The following PCM1 variants were observed in gnomAD, a reference collection of about 807,000 sequenced individuals.
The protein encoded by PCM1 is pericentriolar material 1.
PCM1 carries 157 observed loss-of-function variants against 241.9 expected under a neutral mutation model. The observed-to-expected ratio is 0.65, with a 90% CI of 0.57 to 0.74. The LOEUF is 0.74. Ranked by LOEUF, PCM1 falls within the 30% of genes least tolerant of loss-of-function variation. The pLI, the probability that PCM1 is intolerant of heterozygous loss-of-function variation, is 0.00. For synonymous variants in PCM1, 1,085 were observed against 784.9 expected, an observed-to-expected ratio of 1.38 and a Z score of -6.39; for missense variants, 3,478 against 2,360.1, an observed-to-expected ratio of 1.47 and a Z score of -9.81.
At chr8:17,926,470 T>A (rs184349938) in intron 2 of PCM1, 1 of 152,346 alleles carries the variant, frequency 6.6e-6, no homozygotes, top group East Asian at 1.9e-4. Context: ...GTGCCTTTCT[T>A]CATGGAGTAA....
chr8:17,957,765 C>T lies in PCM1; in HGVS notation c.2030C>T (p.Ala677Val). 1 of 1,608,544 alleles carries T rather than the reference C, an allele frequency of 6.2e-7. No homozygotes were observed. The highest frequency in any genetic ancestry group is 8.5e-7 in the Non-Finnish European group (1 of 1,175,400). The stretch of plus-strand genomic sequence containing the variant: ...CTTAGACAGTTACAAGATCTTGTTG[C>T]TATGGTACAGGTAAATATTGCTTGG... The part of the protein sequence containing the change: ...QKLRQLQDLV[A>V]MVQDDDAAQG... The change falls in exon 13 of 39, where the codon GCT (alanine) becomes GTT (valine). Residue 677 changes from alanine (A) to valine (V), a missense_variant. Physicochemically the swap from Ala to Val is moderately conservative, Grantham distance 64. Transcript: ENST00000325083.
rs538183416 is a variant in PCM1 at position 17,938,734 on chromosome 8, A to G, written c.343-6A>G. On this transcript the variant is annotated splice_polypyrimidine_tract_variant and splice_region_variant and intron_variant, in intron 4 of 38. Coordinates refer to ENST00000325083, the MANE Select transcript of PCM1 (RefSeq NM_006197.4). ...TTGTGTGATTTGATTTCTTTTTCATATATAGAGAAGCATTGGAAGTGATTC... is the reference window on the plus strand; with the variant it reads ...TTGTGTGATTTGATTTCTTTTTCATGTATAGAGAAGCATTGGAAGTGATTC... The G allele has an allele frequency of 1.4e-5, 22 of 1,603,992 alleles. No individual in the cohort carries two copies. In the East Asian group the frequency reaches 2.9e-4, roughly 21 times the overall value.
intron 26 of PCM1, among the ~76,000 whole-genome samples, 194 bp from the exon 27 acceptor site, chr8:17,989,665 G>C (rs1269968536): frequency 6.6e-6 from 1 of 151,932 alleles, no homozygotes; most frequent in African/African-American, 2.4e-5. Context: ...TTATATCACT[G>C]TTCTCTGTGA....
At chr8:17,956,900 T>C (rs1239161484) in intron 11 of PCM1, 123 bp downstream of exon 11, 1 of 798,396 alleles carries the variant, frequency 1.3e-6, no homozygotes, top group African/African-American at 1.7e-5. Flanking sequence ...TTTCTACTAT[T>C]TTGGTCAGTG....
At chr8:18,024,712 A>G (rs146886860) in intron 36 of PCM1, among the ~76,000 whole-genome samples, 2,597 of 152,312 alleles carry the variant, frequency 0.017, 43 homozygotes, top group South Asian at 0.045. Context: ...TCTGCTGACT[A>G]TAGCATATAC....
chr8:17,941,514 G>A (rs1448930221), intron 6 of PCM1, among the ~76,000 whole-genome samples: 1 of 150,276 alleles, frequency 6.7e-6, no homozygotes, highest in South Asian at 2.1e-4. Flanking sequence ...AGGGGGATGT[G>A]GATTGATTTT....
At chr8:17,924,058 C>T (rs2055804070) in intron 1 of PCM1, among the ~76,000 whole-genome samples, 1 of 151,266 alleles carries the variant, frequency 6.6e-6, no homozygotes, top group African/African-American at 2.4e-5. Flanking sequence ...GGTGACGGTT[C>T]GTGTTTGGGC....
intron 23 of PCM1, among the ~76,000 whole-genome samples, chr8:17,976,248 T>C (rs939986709): frequency 2.0e-5 from 3 of 152,216 alleles, no homozygotes; most frequent in African/African-American, 7.2e-5. Flanking sequence ...CAAGGTGCCA[T>C]TTCTCTGTGC....
At position 17,960,175 on chromosome 8, in the gene PCM1, G is replaced by C. The variant is rs748112971; in HGVS notation, c.2192+10G>C. On this transcript the variant is annotated intron_variant, in intron 14 of 38. Transcript: ENST00000325083. ...TAAATGAAAAGGCAAGGTATGTTAA[G>C]CTTTTGGCCTTCATTTAATATAATA... The C allele has an allele frequency of 3.2e-6, 5 of 1,555,608 alleles. No individual in the cohort carries two copies. The highest frequency in any genetic ancestry group is 2.6e-6 in the Non-Finnish European group (3 of 1,153,344).
rs765227474 is a variant in PCM1 at position 17,985,934 on chromosome 8, A to T, written c.4282-25A>T. 23 of 1,405,842 alleles carry T rather than the reference A, an allele frequency of 1.6e-5. No individual in the cohort carries two copies. In the East Asian group the frequency reaches 5.5e-4, roughly 34 times the overall value. 87.1% of individuals were successfully genotyped at this position (1,405,842 alleles called of 1,614,324 possible). ...GATTAAGCATGTATGTTTTATATAA[A>T]TGATGATCTTATTTTCTTATTTAGG... On this transcript the variant is annotated intron_variant, in intron 25 of 38. Transcript: ENST00000325083.
At chr8:17,931,271 A>T (rs541233351) in intron 2 of PCM1, among the ~76,000 whole-genome samples, 11 of 152,150 alleles carry the variant, frequency 7.2e-5, no homozygotes, top group African/African-American at 2.6e-4. Flanking sequence ...TAGAATGCGT[A>T]AAACATTCTT....
At chr8:17,956,066 G>A (rs974748849) in intron 10 of PCM1, 4 of 212,726 alleles carry the variant, frequency 1.9e-5, no homozygotes, top group South Asian at 1.5e-4. Context: ...TAATATACCT[G>A]TTGATAAATA....
At chr8:17,974,370 C>T (rs1335107041) in intron 23 of PCM1, among the ~76,000 whole-genome samples, 1 of 152,172 alleles carries the variant, frequency 6.6e-6, no homozygotes, top group African/African-American at 2.4e-5. Context: ...GAAAAGCTGA[C>T]ATTTTAAATT....
At chr8:18,001,007 G>A (rs1217582592) in intron 29 of PCM1, among the ~76,000 whole-genome samples, 1 of 152,184 alleles carries the variant, frequency 6.6e-6, no homozygotes, top group Admixed American at 6.5e-5. Flanking sequence ...GGCACAGCTG[G>A]AGATAGACAT....
chr8:17,932,405 G>C (rs963456369), intron 2 of PCM1, among the ~76,000 whole-genome samples: 10 of 152,202 alleles, frequency 6.6e-5, no homozygotes, highest in African/African-American at 2.2e-4. Context: ...TGTAGTGTCT[G>C]AGAATTCCAT....
intron 24 of PCM1, chr8:17,983,273 A>T (rs1050922682): frequency 7.5e-7 from 1 of 1,325,026 alleles, no homozygotes; most frequent in African/African-American, 1.5e-5. Flanking sequence ...ACAGAAATGC[A>T]TGCAATGAAG....
chr8:17,994,640 A>C lies in PCM1; in HGVS notation c.4827+1021A>C, dbSNP rs185961502. Among the ~76,000 whole-genome samples the C allele has an allele frequency of 2.4e-4, 37 of 152,254 alleles. 1 individual carries two copies. In the East Asian group the frequency reaches 6.9e-3, roughly 29 times the overall value. On this transcript the variant is annotated intron_variant, in intron 29 of 38. Coordinates refer to ENST00000325083, the MANE Select transcript of PCM1 (RefSeq NM_006197.4). Reference sequence around the variant, plus strand: ...AACTGTTCTCCAGAGGGGTTGTACTAATTTACATTCCCACCAGCAGTGTAT... The same window carrying C: ...AACTGTTCTCCAGAGGGGTTGTACTCATTTACATTCCCACCAGCAGTGTAT...
chr8:18,012,743 A>G (rs1258175345), intron 34 of PCM1, among the ~76,000 whole-genome samples: 1 of 152,032 alleles, frequency 6.6e-6, no homozygotes, highest in African/African-American at 2.4e-5. Context: ...TGTAATTATC[A>G]GATATTATTA....
At chr8:17,931,524 T>G (rs1006113024) in intron 2 of PCM1, among the ~76,000 whole-genome samples, 2 of 152,140 alleles carry the variant, frequency 1.3e-5, no homozygotes, top group African/African-American at 4.8e-5. Context: ...CCTGACCTTG[T>G]GGTAACGCCG....
Sources: allele counts gnomAD v4.1 joint callset (sites outside exome capture counted in the v4.1 genomes callset), GRCh38; gene constraint gnomAD v4.1.1; transcripts MANE v1.5; gene names NCBI Gene and HGNC (gene_info 2026-07-23, HGNC 2026-07-21).